FADS2: variants seen among roughly 807,000 people sequenced by gnomAD.
FADS2 encodes the protein fatty acid desaturase 2, also known as acyl-CoA 6-desaturase.
A neutral mutation model predicts 61.2 loss-of-function variants in FADS2; 18 were observed. The ratio of observed to expected loss-of-function variants is 0.29; its 90% CI spans 0.20 to 0.44. The LOEUF (loss-of-function observed/expected upper bound fraction) is 0.44, where lower values mean the gene tolerates loss of function less well. Among genes scored for constraint, FADS2 ranks in the 20% least tolerant of loss-of-function variants. The pLI, the probability that FADS2 is intolerant of heterozygous loss-of-function variation, is 1.00. For synonymous variants in FADS2, 203 were observed against 223.9 expected, an observed-to-expected ratio of 0.91 and a Z score of 0.83; for missense variants, 322 against 572.7, an observed-to-expected ratio of 0.56 and a Z score of 4.47.
intron 5 of FADS2, 60 bp from the exon 6 acceptor site, chr11:61,856,951 G>A (rs1382187356): frequency 7.3e-7 from 1 of 1,362,962 alleles, no homozygotes; most frequent in Non-Finnish European, 1.1e-6. Context: ...ATGGGTTGGG[G>A]AACATGGGAG....
At chr11:61,835,560 A>ATTTTTT (rs57778794) in intron 1 of FADS2, among the ~76,000 whole-genome samples, 8 of 139,028 alleles carry the variant, frequency 5.8e-5, no homozygotes, top group Non-Finnish European at 6.3e-5. Context: ...CACCTGGCTA[A>ATTTTTT]TTTTTTTTTT....
At chr11:61,848,055 G>A (rs1442517264) in intron 4 of FADS2, 104 bp from the exon 5 acceptor site, 22 of 1,435,260 alleles carry the variant, frequency 1.5e-5, no homozygotes, top group African/African-American at 5.6e-5. Context: ...TGCTATCCCC[G>A]AGGGTTGAAG....
chr11:61,859,501 G>T (rs174606), intron 7 of FADS2, among the ~76,000 whole-genome samples: 76,557 of 152,106 alleles, frequency 0.5, 19,874 homozygotes, highest in Admixed American at 0.62. Flanking sequence ...CCCAGCCATT[G>T]CAAATCCAAC....
chr11:61,837,672 G>A (rs1591168420), intron 1 of FADS2, 106 bp from the exon 2 acceptor site: 1 of 753,330 alleles, frequency 1.3e-6, no homozygotes, highest in Non-Finnish European at 2.3e-6. Context: ...CCCGTTTGGT[G>A]TCTGGGTGCA....
chr11:61,840,486 C>G lies in FADS2; in HGVS notation c.471C>G (p.Gly157=), dbSNP rs558462456. The part of the protein sequence containing the change: ...AWFTVFYFGN[G]WIPTLITAFV... ...TCACTGTCTTTTACTTTGGCAATGG[C>G]TGGATTCCTACCCTCATCACGGCCT... Residue 157 remains glycine (G), a synonymous_variant, in exon 3 of 12, where the codon GGC becomes GGG. Transcript: ENST00000278840. The G allele has an allele frequency of 1.9e-6, 3 of 1,614,212 alleles. No individual in the cohort carries two copies. The Admixed American group carries it at 5.0e-5, about 27-fold the overall frequency.
rs201538487 is a variant in FADS2 at position 61,863,792 on chromosome 11, C to T, written c.1157+6C>T. The T allele has an allele frequency of 6.7e-4, 1,077 of 1,612,420 alleles. 1 individual carries two copies. Among genetic ancestry groups the T allele is most frequent in the Admixed American group, 3.1e-3 (186 of 60,016 alleles). ...AACTTCCAGATTGAGCACCAGTGAG[C>T]GCGGGGCTGCGGGGAGGCGGGGAGA... is the stretch of plus-strand genomic sequence containing the variant. On this transcript the variant is annotated splice_donor_region_variant and intron_variant, in intron 10 of 11. Coordinates refer to ENST00000278840, the MANE Select transcript of FADS2 (RefSeq NM_004265.4).
At chr11:61,817,165 C>A (rs1164374120) in intron 1 of FADS2, 3 of 245,284 alleles carry the variant, frequency 1.2e-5, no homozygotes, top group Non-Finnish European at 2.3e-5. Context: ...AGTGAATGGA[C>A]TGAGGGGCCA....
At chr11:61,832,189 C>T (rs1442473584) in intron 1 of FADS2, among the ~76,000 whole-genome samples, 1 of 152,158 alleles carries the variant, frequency 6.6e-6, no homozygotes, top group African/African-American at 2.4e-5. Flanking sequence ...CTCTTAGAAT[C>T]AAGGGAAGGT....
At chr11:61,847,102 T>TGG (rs2067267041) in intron 4 of FADS2, 3 of 151,894 alleles carry the variant, frequency 2.0e-5, no homozygotes, top group Non-Finnish European at 4.4e-5. Flanking sequence ...CCCGGCTAAT[T>TGG]TTTGTATTTT....
rs1230627512 is a variant in FADS2, at chr11:61,828,623, A to G, written c.207+26A>G. 3.8e-6 allele frequency: 6 copies of G among 1,592,866 alleles called. No individual in the cohort carries two copies. The Admixed American group carries it at 1.0e-4, about 27-fold the overall frequency. ...GTAAGGGTCTGGGGGCGCCCCAGCC[A>G]CCCTTCTCTGCTGCAGGCGGAGTCA... On this transcript the variant is annotated intron_variant, in intron 1 of 11. Transcript: ENST00000278840. The surrounding 1 kb of genome is among the most constrained non-coding windows in gnomAD (Gnocchi z 6.4).
Position 61,857,664 on chromosome 11 carries a change from C to T in FADS2, c.882+134C>T, listed in dbSNP as rs2067374246. 5 of 708,438 alleles carry T rather than the reference C, an allele frequency of 7.1e-6. No individual in the cohort carries two copies. The African/African-American group carries it at 8.7e-5, about 12-fold the overall frequency. 43.9% of individuals were successfully genotyped at this position (708,438 alleles called of 1,614,324 possible). A position where few individuals can be genotyped will look rare whatever the true frequency, so the allele number is the denominator to read the frequency against. On this transcript the variant is annotated intron_variant, in intron 7 of 11. Coordinates refer to ENST00000278840, the MANE Select transcript of FADS2 (RefSeq NM_004265.4). Reference sequence around the variant, plus strand: ...CCCAGGCATCTCCTCCCTGGGGTAGCTGCCTCTCAGGAAAGGACTCCCTCT... The same window carrying T: ...CCCAGGCATCTCCTCCCTGGGGTAGTTGCCTCTCAGGAAAGGACTCCCTCT...
Position 61,857,701 on chromosome 11 carries a change from G to T in FADS2, c.882+171G>T, listed in dbSNP as rs779633065. 2.6e-5 allele frequency among the ~76,000 whole-genome samples: 4 copies of T among 152,238 alleles called. No homozygotes were observed. In the South Asian group the frequency reaches 8.3e-4, roughly 32 times the overall value. ...AAAGGACTCCCTCTGGGGCCACCAG[G>T]ACCTAGTCCTAAAGATCTCTACTCT... On this transcript the variant is annotated intron_variant, in intron 7 of 11. Transcript: ENST00000278840.
At chr11:61,835,757 T>C (rs1365886791) in intron 1 of FADS2, among the ~76,000 whole-genome samples, 1 of 152,164 alleles carries the variant, frequency 6.6e-6, no homozygotes, top group African/African-American at 2.4e-5. Context: ...AGCAAACACC[T>C]GTGTATCCTC....
In FADS2 at chr11:61,863,020, A is replaced by G. The variant is rs551433584; in HGVS notation, c.931A>G (p.Ile311Val). Residue 311 changes from isoleucine (I) to valine (V), a missense_variant, in exon 8 of 12, where the codon ATC becomes GTC. Around this residue, in one of 3 missense-constraint regions of FADS2, gnomAD observed 221 missense variants for 427.9 expected, o/e 0.52. Coordinates refer to ENST00000278840, the MANE Select transcript of FADS2 (RefSeq NM_004265.4). Reference sequence around the variant, plus strand: ...CTACATCCGGTTCTTCATCACCTACATCCCTTTCTACGGCATCCTGGGAGC... The same window carrying G: ...CTACATCCGGTTCTTCATCACCTACGTCCCTTTCTACGGCATCCTGGGAGC... ...SYYIRFFITY[I>V]PFYGILGALL... 1.2e-6 allele frequency: 2 copies of G among 1,614,168 alleles called. No homozygotes were observed. The highest frequency in any genetic ancestry group is 8.5e-7 in the Non-Finnish European group (1 of 1,180,026).
chr11:61,826,729 C>G (rs898008726), upstream of FADS2, among the ~76,000 whole-genome samples: 1 of 152,100 alleles, frequency 6.6e-6, no homozygotes, highest in Admixed American at 6.5e-5. Context: ...CTGACACCAG[C>G]ATGAAATGTG....
intron 5 of FADS2, among the ~76,000 whole-genome samples, chr11:61,853,053 G>T (rs1010635986): frequency 2.6e-5 from 4 of 152,150 alleles, no homozygotes; most frequent in African/African-American, 9.7e-5. Context: ...TACTCTGGAG[G>T]CTGAGGCAAG....
chr11:61,817,000 T>C lies in FADS2; in HGVS notation c.141+574T>C. The C allele has an allele frequency of 7.5e-7, 1 of 1,328,476 alleles. No individual in the cohort carries two copies. The highest frequency in any genetic ancestry group is 9.6e-7 in the Non-Finnish European group (1 of 1,042,278). 82.3% of individuals were successfully genotyped at this position (1,328,476 alleles called of 1,614,324 possible). A position where few individuals can be genotyped will look rare whatever the true frequency, so the allele number is the denominator to read the frequency against. ...GGTCTTGGGCAACTCACAGCTGGGC[T>C]GCCAACACGCGCCCCCTCGCGGGCT... On this transcript the variant is annotated intron_variant, in intron 1 of 11. Transcript: ENST00000257261. The surrounding 1 kb of genome is among the most constrained non-coding windows in gnomAD (Gnocchi z 7.0).
Position 61,863,004 on chromosome 11 carries a change from G to A in FADS2, c.915G>A (p.Arg305=). 1 of 1,614,222 alleles carries A rather than the reference G, an allele frequency of 6.2e-7. No homozygotes were observed. Among genetic ancestry groups the A allele is most frequent in the Non-Finnish European group, 8.5e-7 (1 of 1,180,038 alleles). ...CCTGGGCCGTCAGCTACTACATCCG[G>A]TTCTTCATCACCTACATCCCTTTCT... ...DLAWAVSYYI[R]FFITYIPFYG... is the part of the protein sequence containing the mutation. Residue 305 remains arginine, a synonymous_variant, in exon 8 of 12, where the codon CGG becomes CGA. Transcript: ENST00000278840.
chr11:61,840,333 G>A lies in FADS2; in HGVS notation c.319-1G>A, dbSNP rs1166800472. 1 of 1,613,812 alleles carries A rather than the reference G, an allele frequency of 6.2e-7. No homozygotes were observed. Among genetic ancestry groups the A allele is most frequent in the Non-Finnish European group, 8.5e-7 (1 of 1,179,902 alleles). On this transcript the variant is annotated splice_acceptor_variant, in intron 2 of 11. Transcript: ENST00000278840. LOFTEE classifies it high-confidence loss of function. ...CCTTTCCCTGTGCTCTTGGTCAACA[G>A]TCAAAGATCACTGAGGACTTCCGGG...
Sources: allele counts gnomAD v4.1 joint callset (sites outside exome capture counted in the v4.1 genomes callset), GRCh38; gene constraint gnomAD v4.1.1; regional missense constraint gnomAD v4.1.1; non-coding constraint Gnocchi (gnomAD v3.1); transcripts MANE v1.5; gene names NCBI Gene and HGNC (gene_info 2026-07-23, HGNC 2026-07-21).